OSGIN2: variants seen among roughly 807,000 people sequenced by gnomAD.
OSGIN2 encodes oxidative stress-induced growth inhibitor 2.
In OSGIN2, 19 loss-of-function variants were observed where a neutral mutation model predicts 53.8. The observed-to-expected ratio is 0.35, with a 90% CI of 0.25 to 0.52. The LOEUF (loss-of-function observed/expected upper bound fraction) is 0.52. OSGIN2 is among the 20% of genes least tolerant of loss of function. The pLI is 0.95. For synonymous variants in OSGIN2, 236 were observed against 236.0 expected (o/e 1.00, Z 0.00); for missense variants, 520 against 662.7 (o/e 0.78, Z 2.36).
chr8:89,907,455 G>A (rs1195384342), intron 1 of OSGIN2, among the ~76,000 whole-genome samples: 2 of 152,114 alleles, frequency 1.3e-5, no homozygotes, highest in African/African-American at 4.8e-5. Flanking sequence ...TATAAGGAAG[G>A]TATCCAGTTT....
chr8:89,919,849 A>G lies in OSGIN2; in HGVS notation c.529-1231A>G, dbSNP rs556352067. 1.2e-4 allele frequency among the ~76,000 whole-genome samples: 18 copies of G among 152,282 alleles called. No homozygotes were observed. In the South Asian group the frequency reaches 1.2e-3, roughly 11 times the overall value. ...GTCCTTGAAGAACCAGATACTTTCT[A>G]TATGCTCCTGCATACTTCTATTTAG... On this transcript the variant is annotated intron_variant, in intron 4 of 5. Transcript: ENST00000451899.
intron 1 of OSGIN2, among the ~76,000 whole-genome samples, chr8:89,908,398 C>G (rs1320274208): frequency 6.6e-6 from 1 of 152,072 alleles, no homozygotes; most frequent in African/African-American, 2.4e-5. Context: ...CTCGCCTATC[C>G]TAGGGTAGAC....
chr8:89,927,527 G>C lies in OSGIN2; in HGVS notation c.*1995G>C, dbSNP rs1370567406. On this transcript the variant is annotated 3_prime_UTR_variant, in exon 6 of 6. Transcript: ENST00000451899. ...CATTTTTTCTTTGCTATCAGCTATA[G>C]CTATTCATGGAAGGGAAGAATCACT... is the stretch of plus-strand genomic sequence containing the variant. 4.6e-5 allele frequency: 7 copies of C among 152,250 alleles called. No individual in the cohort carries two copies. In the South Asian group the frequency reaches 1.0e-3, roughly 23 times the overall value. 9.4% of individuals were successfully genotyped at this position (152,250 alleles called of 1,614,324 possible). A position where few individuals can be genotyped will look rare whatever the true frequency, so the allele number is the denominator to read the frequency against.
At chr8:89,919,479 A>G (rs80268568) in intron 4 of OSGIN2, among the ~76,000 whole-genome samples, 3,880 of 152,306 alleles carry the variant, frequency 0.025, 75 homozygotes, top group Middle Eastern at 0.048. Flanking sequence ...TGGTATTCAC[A>G]TAAATCACAT....
chr8:89,920,893 G>T (rs1223118813), intron 4 of OSGIN2, among the ~76,000 whole-genome samples, 187 bp from the exon 5 acceptor site: 2 of 152,114 alleles, frequency 1.3e-5, no homozygotes, highest in African/African-American at 4.8e-5. Flanking sequence ...AGTGATGAAG[G>T]TATATGAAAG....
chr8:89,909,399 A>G (rs1455094604), intron 1 of OSGIN2, among the ~76,000 whole-genome samples, 168 bp from the exon 2 acceptor site: 1 of 152,206 alleles, frequency 6.6e-6, no homozygotes, highest in East Asian at 1.9e-4. Context: ...ATAGGTTGAC[A>G]TGTAGCGAAG....
chr8:89,906,880 T>TA (rs1307705618), intron 1 of OSGIN2, among the ~76,000 whole-genome samples: 3 of 152,194 alleles, frequency 2.0e-5, no homozygotes, highest in Non-Finnish European at 4.4e-5. Context: ...GCTGAACTAA[T>TA]ACACTCCCCC....
At chr8:89,905,464 T>C (rs895336916) in intron 1 of OSGIN2, among the ~76,000 whole-genome samples, 1 of 152,158 alleles carries the variant, frequency 6.6e-6, no homozygotes, top group Non-Finnish European at 1.5e-5. Flanking sequence ...ACCTGTGATA[T>C]ACTGTGCATG....
Position 89,926,176 on chromosome 8 carries a change from TC to T in OSGIN2, c.*645del, listed in dbSNP as rs1475900742. The stretch of plus-strand genomic sequence containing the variant: ...ATTTTGAAATTATCAATTGTATAAA[TC>T]TAATTTATTACCAAATAGGGTCTTT... On this transcript the variant is annotated 3_prime_UTR_variant, in exon 6 of 6. Transcript: ENST00000451899. The T allele has an allele frequency of 7.9e-5, 12 of 152,308 alleles. No individual in the cohort carries two copies. The highest frequency in any genetic ancestry group is 1.6e-4 in the Non-Finnish European group (11 of 68,038). The allele number at this position is 152,308 out of a possible 1,614,324, so 9.4% of individuals were successfully genotyped here. A position where few individuals can be genotyped will look rare whatever the true frequency, so the allele number is the denominator to read the frequency against.
intron 4 of OSGIN2, among the ~76,000 whole-genome samples, chr8:89,919,119 T>C (rs974802607): frequency 4.6e-5 from 7 of 152,204 alleles, no homozygotes; most frequent in Non-Finnish European, 7.3e-5. Context: ...CTAGCCCTTA[T>C]TAGGTTTCTT....
Position 89,912,984 on chromosome 8 carries a change from A to G in OSGIN2, c.200-1093A>G, listed in dbSNP as rs139640727. On this transcript the variant is annotated intron_variant, in intron 2 of 5. Transcript: ENST00000451899. ...GTCTGAGTCTTGAATCTTGGGACCA[A>G]TAGAGTCAGACAGTCATCAGAAATG... Among the ~76,000 whole-genome samples the G allele has an allele frequency of 3.5e-4, 53 of 152,262 alleles. No individual in the cohort carries two copies. The East Asian group carries it at 9.1e-3, about 26-fold the overall frequency.
intron 2 of OSGIN2, among the ~76,000 whole-genome samples, chr8:89,913,245 G>A (rs1393173741): frequency 6.6e-6 from 1 of 152,130 alleles, no homozygotes; most frequent in Non-Finnish European, 1.5e-5. Flanking sequence ...GGGAAGGACT[G>A]TTACCATCCT....
chr8:89,906,127 CATAGGTAA>C (rs1304754513), intron 1 of OSGIN2, among the ~76,000 whole-genome samples: 1 of 152,094 alleles, frequency 6.6e-6, no homozygotes, highest in Non-Finnish European at 1.5e-5. Flanking sequence ...AGGTTTCTTA[CATAGGTAA>C]ACATGTGTCA....
intron 2 of OSGIN2, among the ~76,000 whole-genome samples, chr8:89,913,691 G>C (rs1809018197): frequency 6.6e-6 from 1 of 152,204 alleles, no homozygotes; most frequent in Admixed American, 6.5e-5. Context: ...AGATAGGATA[G>C]GGTTTGAAGG....
At chr8:89,921,473 T>C (rs1490909440) in intron 5 of OSGIN2, among the ~76,000 whole-genome samples, 4 of 152,220 alleles carry the variant, frequency 2.6e-5, no homozygotes, top group East Asian at 3.8e-4. Context: ...ATCCATATAT[T>C]ATTTTTCATA....
chr8:89,920,291 C>CA (rs1386001988), intron 4 of OSGIN2, among the ~76,000 whole-genome samples: 2 of 151,356 alleles, frequency 1.3e-5, no homozygotes, highest in East Asian at 1.9e-4. Flanking sequence ...CTGTGAAAGT[C>CA]AGTTATAATA....
At chr8:89,906,799 A>G (rs1470823094) in intron 1 of OSGIN2, among the ~76,000 whole-genome samples, 1 of 152,186 alleles carries the variant, frequency 6.6e-6, no homozygotes, top group African/African-American at 2.4e-5. Flanking sequence ...TATACCCAGT[A>G]ATGGGATTGC....
chr8:89,916,408 T>C (rs564437112), intron 4 of OSGIN2, among the ~76,000 whole-genome samples: 5 of 152,342 alleles, frequency 3.3e-5, no homozygotes, highest in East Asian at 1.9e-4. Context: ...TTCAGCTGTG[T>C]ACCAGTTGCC....
In OSGIN2 at chr8:89,924,648, G is replaced by C; in HGVS notation, c.766G>C (p.Asp256His). 1 of 1,614,038 alleles carries C rather than the reference G, an allele frequency of 6.2e-7. No individual in the cohort carries two copies. Among genetic ancestry groups the C allele is most frequent in the Non-Finnish European group, 8.5e-7 (1 of 1,179,928 alleles). Reference protein sequence around the residue: ...SRLYRDQDDDDIQDRDISTKH... With the variant: ...SRLYRDQDDDHIQDRDISTKH... The stretch of plus-strand genomic sequence containing the variant: ...ACTCTACAGAGATCAAGATGATGAT[G>C]ATATTCAAGACAGAGATATTTCAAC... Residue 256 changes from aspartate (D) to histidine (H), a missense_variant, in exon 6 of 6, where the codon GAT becomes CAT. Coordinates refer to ENST00000451899, the MANE Select transcript of OSGIN2 (RefSeq NM_001126111.3).
Sources: allele counts gnomAD v4.1 joint callset (sites outside exome capture counted in the v4.1 genomes callset), GRCh38; gene constraint gnomAD v4.1.1; transcripts MANE v1.5; gene names NCBI Gene and HGNC (gene_info 2026-07-23, HGNC 2026-07-21).